Variants in SMYD3 observed in about 807,000 individuals in gnomAD.
SMYD3 encodes histone-lysine N-methyltransferase SMYD3.
SMYD3 carries 36 observed loss-of-function variants against 57.7 expected under a neutral mutation model. The ratio of observed to expected loss-of-function variants is 0.62; its 90% CI spans 0.48 to 0.82. The LOEUF (loss-of-function observed/expected upper bound fraction) is 0.82, where lower values mean the gene tolerates loss of function less well. Ranked by LOEUF, SMYD3 falls within the 40% of genes least tolerant of loss-of-function variation. The pLI, the probability that SMYD3 is intolerant of heterozygous loss-of-function variation, is 0.00. For missense variants in SMYD3, 515 were observed against 538.8 expected (o/e 0.96, Z 0.44); for synonymous variants, 211 against 195.0 (o/e 1.08, Z -0.68).
intron 1 of SMYD3, among the ~76,000 whole-genome samples, chr1:246,433,567 G>T (rs568166273): frequency 6.6e-6 from 1 of 152,096 alleles, no homozygotes; most frequent in Non-Finnish European, 1.5e-5. Flanking sequence ...AGGTTGAGGC[G>T]GGAGAATTGC....
chr1:246,083,413 T>C lies in SMYD3; in HGVS notation c.532-153476A>G, dbSNP rs189770519. ...TGTTCACATGTTTTCCTGCAGACCC[T>C]CTCCCCACTATTACCCTATTGTCCT... On this transcript the variant is annotated intron_variant, in intron 5 of 11. Coordinates refer to ENST00000490107, the MANE Select transcript of SMYD3 (RefSeq NM_001167740.2). Among the ~76,000 whole-genome samples the C allele has an allele frequency of 7.6e-4, 116 of 152,196 alleles. 1 individual carries two copies. Among genetic ancestry groups the C allele is most frequent in the Admixed American group, 1.8e-3 (28 of 15,284 alleles).
intron 5 of SMYD3, among the ~76,000 whole-genome samples, chr1:246,256,876 CATTT>C (rs1284200077): frequency 1.3e-5 from 2 of 151,590 alleles, no homozygotes; most frequent in African/African-American, 4.9e-5. Context: ...CCTCTGTTTT[CATTT>C]ATTTAAATTT....
At chr1:245,800,466 C>T (rs2047806051) in intron 10 of SMYD3, among the ~76,000 whole-genome samples, 1 of 151,720 alleles carries the variant, frequency 6.6e-6, no homozygotes, top group African/African-American at 2.4e-5. Context: ...TAGTGCTTGG[C>T]ACATAGGAGG....
At chr1:245,850,247 G>C (rs999469974) in intron 10 of SMYD3, among the ~76,000 whole-genome samples, 21 of 152,300 alleles carry the variant, frequency 1.4e-4, no homozygotes, top group African/African-American at 4.8e-4. Flanking sequence ...AAATGCCACT[G>C]CACAATTTTT....
chr1:246,326,253 T>A, intron 5 of SMYD3: 1 of 486,006 alleles, frequency 2.1e-6, no homozygotes, highest in Non-Finnish European at 3.7e-6. Flanking sequence ...TTTTACTTGT[T>A]ATTAAATTGT....
chr1:246,288,059 A>ATTTTTTTTTT (rs1258559424), intron 5 of SMYD3, among the ~76,000 whole-genome samples: 1 of 98,582 alleles, frequency 1.0e-5, no homozygotes, highest in Admixed American at 1.2e-4. Context: ...CCATCAGGTA[A>ATTTTTTTTTT]TTCTTTTTTT....
intron 5 of SMYD3, among the ~76,000 whole-genome samples, chr1:246,009,805 C>CTTTTT (rs74163100): frequency 1.2e-4 from 9 of 75,614 alleles, no homozygotes; most frequent in Admixed American, 1.7e-4. Flanking sequence ...CATGTAAGAT[C>CTTTTT]TTTTTTTTTT....
intron 1 of SMYD3, among the ~76,000 whole-genome samples, chr1:246,428,689 A>C (rs1233988755): frequency 6.6e-6 from 1 of 152,244 alleles, no homozygotes; most frequent in Non-Finnish European, 1.5e-5. Flanking sequence ...CTGCTGATTC[A>C]AACCCGTGCA....
At chr1:246,303,534 AC>A (rs2064930613) in intron 5 of SMYD3, among the ~76,000 whole-genome samples, 1 of 151,830 alleles carries the variant, frequency 6.6e-6, no homozygotes, top group African/African-American at 2.4e-5. Flanking sequence ...TAGTTGTTAT[AC>A]TCTTTTTTAA....
At chr1:246,123,392 C>T (rs2061453056) in intron 5 of SMYD3, among the ~76,000 whole-genome samples, 1 of 152,062 alleles carries the variant, frequency 6.6e-6, no homozygotes, top group Non-Finnish European at 1.5e-5. Context: ...AATGGTGAAA[C>T]CCCATCTCTA....
chr1:246,299,593 GCC>G (rs1289040294), intron 5 of SMYD3, among the ~76,000 whole-genome samples: 1 of 152,098 alleles, frequency 6.6e-6, no homozygotes, highest in Non-Finnish European at 1.5e-5. Flanking sequence ...CACCCTAAAT[GCC>G]CATCAATGGT....
chr1:246,185,449 CTTTTTTTTTT>C (rs1183038960), intron 5 of SMYD3, among the ~76,000 whole-genome samples: 1 of 80,046 alleles, frequency 1.2e-5, no homozygotes, highest in African/African-American at 5.7e-5. Flanking sequence ...GTTAGTGATT[CTTTTTTTTTT>C]TTTTTTTTTT....
chr1:245,794,872 C>A (rs2047455504), intron 10 of SMYD3, among the ~76,000 whole-genome samples: 1 of 152,032 alleles, frequency 6.6e-6, no homozygotes, highest in South Asian at 2.1e-4. Context: ...TGTTTGTCCC[C>A]CAATCCCAGT....
Position 246,346,282 on chromosome 1 carries a change from C to CA in SMYD3, c.228+8748dup, listed in dbSNP as rs374293185. Among the ~76,000 whole-genome samples, 8 of 151,354 alleles carry CA rather than the reference C, an allele frequency of 5.3e-5. No homozygotes were observed. The South Asian group carries it at 6.3e-4, about 12-fold the overall frequency. ...TGGGCGACAGAGTGAGACTCTGTCT[C>CA]AAAAAAAACAAACAAACTAAAAAAG... On this transcript the variant is annotated intron_variant, in intron 2 of 11. Coordinates refer to ENST00000490107, the MANE Select transcript of SMYD3 (RefSeq NM_001167740.2).
At chr1:246,086,242 G>A (rs1163078118) in intron 5 of SMYD3, among the ~76,000 whole-genome samples, 1 of 152,054 alleles carries the variant, frequency 6.6e-6, no homozygotes, top group East Asian at 1.9e-4. Context: ...ATGGATTTTT[G>A]TCAGCGAACT....
At chr1:246,154,711 A>G (rs1388231934) in intron 5 of SMYD3, among the ~76,000 whole-genome samples, 1 of 152,214 alleles carries the variant, frequency 6.6e-6, no homozygotes, top group Non-Finnish European at 1.5e-5. Flanking sequence ...TTAATGTGTT[A>G]CAATGACAAT....
At chr1:246,255,550 T>A (rs2063868644) in intron 5 of SMYD3, among the ~76,000 whole-genome samples, 1 of 151,992 alleles carries the variant, frequency 6.6e-6, no homozygotes, top group South Asian at 2.1e-4. Flanking sequence ...GTAATAAAGT[T>A]TTTGATGTGC....
chr1:246,041,696 T>A (rs6426263), intron 5 of SMYD3, among the ~76,000 whole-genome samples: 2,211 of 152,094 alleles, frequency 0.015, 30 homozygotes, highest in South Asian at 0.034. Context: ...ATAAACTGGG[T>A]ATATCAGAAA....
chr1:246,227,394 T>C (rs1350444262), intron 5 of SMYD3, among the ~76,000 whole-genome samples: 1 of 152,108 alleles, frequency 6.6e-6, no homozygotes, highest in Non-Finnish European at 1.5e-5. Flanking sequence ...GGCAGGTGAA[T>C]CAAGAGGTCA....
Sources: allele counts gnomAD v4.1 joint callset (sites outside exome capture counted in the v4.1 genomes callset), GRCh38; gene constraint gnomAD v4.1.1; transcripts MANE v1.5; gene names NCBI Gene and HGNC (gene_info 2026-07-23, HGNC 2026-07-21).